C12orf42: variants seen among roughly 807,000 people sequenced by gnomAD.
C12orf42 encodes uncharacterized protein C12orf42.
Under a neutral mutation model 21.6 loss-of-function variants are expected in C12orf42, and 25 were observed. That is an observed-to-expected ratio of 1.16 (90% confidence interval 0.84 to 1.62). The LOEUF is 1.62. C12orf42 is among the 40% of genes most tolerant of loss of function. The pLI, the probability that C12orf42 is intolerant of heterozygous loss-of-function variation, is 0.00. For synonymous variants in C12orf42, 174 were observed against 175.0 expected, an observed-to-expected ratio of 0.99 and a Z score of 0.05; for missense variants, 483 against 459.3, an observed-to-expected ratio of 1.05 and a Z score of -0.47.
intron 4 of C12orf42, among the ~76,000 whole-genome samples, chr12:103,353,525 G>GAGAA (rs958289739): frequency 4.6e-5 from 7 of 151,194 alleles, no homozygotes; most frequent in African/African-American, 1.7e-4. Flanking sequence ...AGGAACAAAA[G>GAGAA]AGAAAGAGTG....
intron 10 of C12orf42, among the ~76,000 whole-genome samples, chr12:103,245,594 T>C (rs1007761750): frequency 1.5e-4 from 23 of 152,084 alleles, no homozygotes; most frequent in Admixed American, 1.4e-3. Context: ...ATAATTGATA[T>C]TGATTATTAT....
At chr12:103,392,707 C>T (rs1414366244) in intron 3 of C12orf42, among the ~76,000 whole-genome samples, 5 of 152,216 alleles carry the variant, frequency 3.3e-5, no homozygotes, top group African/African-American at 1.2e-4. Context: ...TGTTTATTAG[C>T]TCTAACTCAC....
At chr12:103,365,303 T>C (rs924202671) in intron 4 of C12orf42, among the ~76,000 whole-genome samples, 14 of 151,966 alleles carry the variant, frequency 9.2e-5, no homozygotes, top group Admixed American at 2.6e-4. Flanking sequence ...CTCAGCAAAA[T>C]TGGCATACAA....
intron 3 of C12orf42, chr12:103,396,737 A>C (rs1308621237): frequency 6.6e-6 from 1 of 152,268 alleles, no homozygotes; most frequent in Non-Finnish European, 1.5e-5. Flanking sequence ...CAAAACAGCA[A>C]TTGCAAAGGA....
chr12:103,194,367 G>C, the C12orf42 span, among the ~76,000 whole-genome samples: 7 of 151,992 alleles, frequency 4.6e-5, no homozygotes, highest in African/African-American at 1.7e-4. Flanking sequence ...AATTGAAAAG[G>C]AAAAAGTAAA....
At chr12:103,313,211 C>G (rs2039139334) in intron 4 of C12orf42, among the ~76,000 whole-genome samples, 1 of 152,194 alleles carries the variant, frequency 6.6e-6, no homozygotes, top group Non-Finnish European at 1.5e-5. Flanking sequence ...GATTTCATCT[C>G]CGGCATATCT....
chr12:103,403,722 G>C (rs960120205), intron 2 of C12orf42, among the ~76,000 whole-genome samples: 6 of 152,188 alleles, frequency 3.9e-5, no homozygotes, highest in Non-Finnish European at 2.9e-5. Context: ...GGCCCATCCC[G>C]ATAATTTGCG....
chr12:103,264,918 G>C (rs937569382), downstream of C12orf42, among the ~76,000 whole-genome samples: 1 of 152,002 alleles, frequency 6.6e-6, no homozygotes, highest in Non-Finnish European at 1.5e-5. Context: ...CACTCATTCT[G>C]TCTTAGTCAG....
chr12:103,349,988 T>C (rs1051284900), intron 4 of C12orf42, among the ~76,000 whole-genome samples: 1 of 152,138 alleles, frequency 6.6e-6, no homozygotes, highest in South Asian at 2.1e-4. Context: ...AAAATACAAA[T>C]TGAAGAATAT....
chr12:103,145,166 A>T, the C12orf42 span, among the ~76,000 whole-genome samples: 1 of 152,190 alleles, frequency 6.6e-6, no homozygotes, highest in African/African-American at 2.4e-5. Context: ...TTTATACTGT[A>T]CTTTTTAAAG....
intron 2 of C12orf42, among the ~76,000 whole-genome samples, chr12:103,466,408 T>C (rs186256802): frequency 1.7e-3 from 254 of 152,324 alleles, no homozygotes; most frequent in African/African-American, 6.0e-3. Flanking sequence ...TACTACTTAC[T>C]GATCCATCCC....
At chr12:103,182,088 T>C in the C12orf42 span, among the ~76,000 whole-genome samples, 7 of 149,250 alleles carry the variant, frequency 4.7e-5, no homozygotes, top group Non-Finnish European at 1.0e-4. Context: ...TTTTAACTCA[T>C]GGACACTGAG....
chr12:103,318,826 G>T (rs2039795558), intron 4 of C12orf42, among the ~76,000 whole-genome samples: 1 of 142,114 alleles, frequency 7.0e-6, no homozygotes, highest in African/African-American at 2.8e-5. Context: ...TTCAGGAATT[G>T]TACTCACACA....
At chr12:103,286,254 AAATAAAT>A (rs2036451632) in intron 4 of C12orf42, among the ~76,000 whole-genome samples, 1 of 68,276 alleles carries the variant, frequency 1.5e-5, no homozygotes, top group South Asian at 4.8e-4. Flanking sequence ...CCATCTCAAA[AAATAAAT>A]AAATAAATAA....
chr12:103,174,243 A>G, the C12orf42 span, among the ~76,000 whole-genome samples: 1 of 152,226 alleles, frequency 6.6e-6, no homozygotes, highest in African/African-American at 2.4e-5. Context: ...CAAAAGTCAC[A>G]CAACCTATGG....
the C12orf42 span, among the ~76,000 whole-genome samples, chr12:103,069,063 C>T: frequency 7.0e-6 from 1 of 142,496 alleles, no homozygotes; most frequent in South Asian, 2.3e-4. Context: ...AAAAAAGATA[C>T]TTTTTGTTCT....
the C12orf42 span, among the ~76,000 whole-genome samples, chr12:103,098,020 G>T: frequency 1.2e-4 from 19 of 152,348 alleles, no homozygotes; most frequent in South Asian, 3.9e-3. Flanking sequence ...GAGATTGCAA[G>T]TTGCATTTAG....
the C12orf42 span, among the ~76,000 whole-genome samples, chr12:103,231,139 C>T: frequency 3.3e-5 from 5 of 152,084 alleles, no homozygotes; most frequent in African/African-American, 7.2e-5. Context: ...ATAATGTTTT[C>T]GATGGACCTC....
intron 10 of C12orf42, among the ~76,000 whole-genome samples, chr12:103,249,263 A>G (rs1429050671): frequency 6.6e-6 from 1 of 152,116 alleles, no homozygotes; most frequent in East Asian, 1.9e-4. Context: ...AAACCTCACA[A>G]CAACCCTTGA....
Sources: allele counts gnomAD v4.1 joint callset (sites outside exome capture counted in the v4.1 genomes callset), GRCh38; gene constraint gnomAD v4.1.1; transcripts MANE v1.5; gene names NCBI Gene and HGNC (gene_info 2026-07-23, HGNC 2026-07-21).